Variants in TENM4 observed in about 807,000 individuals in gnomAD.
TENM4 encodes teneurin transmembrane protein 4, also known as teneurin-4.
TENM4 carries 82 observed loss-of-function variants against 243.3 expected under a neutral mutation model. The ratio of observed to expected loss-of-function variants is 0.34; its 90% CI spans 0.28 to 0.40. TENM4 has a LOEUF of 0.40. TENM4 is among the 10% of genes least tolerant of loss of function. The probability of loss-of-function intolerance (pLI) is 1.00; values close to 1 mark genes in which losing one functional copy is unlikely to be tolerated. For synonymous variants in TENM4, 1,412 were observed against 1,456.3 expected (o/e 0.97, Z 0.69); for missense variants, 3,138 against 3,673.3 (o/e 0.85, Z 3.77).
chr11:78,964,082 C>T (rs561716047), intron 6 of TENM4, among the ~76,000 whole-genome samples: 3 of 125,402 alleles, frequency 2.4e-5, no homozygotes, highest in Non-Finnish European at 3.3e-5. Flanking sequence ...CTTGCTCTGT[C>T]GCCAGGCTGG....
intron 1 of TENM4, among the ~76,000 whole-genome samples, chr11:79,416,943 C>T (rs180915989): frequency 6.6e-6 from 1 of 152,116 alleles, no homozygotes; most frequent in Non-Finnish European, 1.5e-5. Flanking sequence ...TCTTGCCACT[C>T]ACACAGTCAT....
chr11:79,396,384 T>A (rs1454253018), intron 1 of TENM4, among the ~76,000 whole-genome samples: 1 of 152,216 alleles, frequency 6.6e-6, no homozygotes, highest in Non-Finnish European at 1.5e-5. Flanking sequence ...ACTTTATTAT[T>A]GCAAGTCCCA....
At chr11:78,940,033 G>T (rs1028117427) in intron 6 of TENM4, among the ~76,000 whole-genome samples, 36 of 151,842 alleles carry the variant, frequency 2.4e-4, no homozygotes, top group African/African-American at 8.7e-4. Context: ...AAAGAAAAAA[G>T]TACAAAGGAA....
chr11:78,899,513 G>C (rs1855875951), intron 7 of TENM4, among the ~76,000 whole-genome samples: 1 of 141,636 alleles, frequency 7.1e-6, no homozygotes, highest in Admixed American at 7.2e-5. Flanking sequence ...GGGAGGTTGA[G>C]GCTGCAGCGT....
intron 20 of TENM4, among the ~76,000 whole-genome samples, chr11:78,735,267 G>T (rs375849542): frequency 6.6e-6 from 1 of 152,192 alleles, no homozygotes; most frequent in Admixed American, 6.5e-5. Context: ...AAACACCTGA[G>T]GTGGGGTTTA....
intron 4 of TENM4, among the ~76,000 whole-genome samples, chr11:79,140,766 C>CT (rs2135028845): frequency 6.6e-6 from 1 of 152,226 alleles, no homozygotes; most frequent in East Asian, 1.9e-4. Flanking sequence ...TTTCTAACTT[C>CT]TAAAACCATC....
chr11:78,800,449 C>T (rs561484102), intron 15 of TENM4, among the ~76,000 whole-genome samples: 2 of 152,104 alleles, frequency 1.3e-5, no homozygotes, highest in East Asian at 3.9e-4. Flanking sequence ...TTGGTGTTAG[C>T]CCAGCACACT....
At chr11:79,096,932 A>ATG (rs1565202369) in intron 4 of TENM4, 39 of 135,546 alleles carry the variant, frequency 2.9e-4, no homozygotes, top group Non-Finnish European at 5.0e-4. Flanking sequence ...GCGCGCGCAC[A>ATG]CACACACACA....
At chr11:78,807,365 C>G (rs919445813) in intron 14 of TENM4, among the ~76,000 whole-genome samples, 3 of 152,202 alleles carry the variant, frequency 2.0e-5, no homozygotes, top group Admixed American at 2.0e-4. Flanking sequence ...GAAGACAGCT[C>G]TGTCTGATCC....
intron 4 of TENM4, among the ~76,000 whole-genome samples, chr11:79,133,903 A>G (rs565047824): frequency 3.4e-4 from 52 of 152,318 alleles, no homozygotes; most frequent in Admixed American, 9.8e-4. Context: ...TTGAATAGGG[A>G]AAAGTTGAAA....
intron 4 of TENM4, among the ~76,000 whole-genome samples, chr11:79,110,574 C>T (rs1267691412): frequency 2.0e-5 from 3 of 152,194 alleles, no homozygotes; most frequent in Non-Finnish European, 4.4e-5. Context: ...GGTGACAGTG[C>T]TGGCCTAGGA....
chr11:78,670,619 G>T, intron 31 of TENM4, 68 bp from the exon 32 acceptor site: 2 of 1,403,032 alleles, frequency 1.4e-6, no homozygotes, highest in Non-Finnish European at 1.9e-6. Flanking sequence ...CTACATACCC[G>T]AGACTTAAAG....
chr11:79,052,516 C>A (rs1018934282), intron 6 of TENM4, among the ~76,000 whole-genome samples: 4 of 152,178 alleles, frequency 2.6e-5, no homozygotes, highest in Non-Finnish European at 5.9e-5. Flanking sequence ...TGAAGTAATG[C>A]ATGTGCACTA....
At chr11:79,317,251 C>A (rs115695316) in intron 1 of TENM4, among the ~76,000 whole-genome samples, 1 of 152,294 alleles carries the variant, frequency 6.6e-6, no homozygotes, top group South Asian at 2.1e-4. Flanking sequence ...TGTATCCAAA[C>A]GTGTTTGTTC....
At chr11:79,374,805 G>C (rs1222375310) in intron 1 of TENM4, among the ~76,000 whole-genome samples, 1 of 152,048 alleles carries the variant, frequency 6.6e-6, no homozygotes, top group Admixed American at 6.5e-5. Flanking sequence ...CATTACTACA[G>C]TGAAGTTTTA....
chr11:79,226,514 G>A (rs1017872021), intron 2 of TENM4, among the ~76,000 whole-genome samples: 5 of 152,222 alleles, frequency 3.3e-5, no homozygotes, highest in African/African-American at 7.2e-5. Context: ...CTGGATAACA[G>A]GGTATGGCTT....
intron 4 of TENM4, among the ~76,000 whole-genome samples, chr11:79,103,721 C>G (rs1861291584): frequency 6.6e-6 from 1 of 152,160 alleles, no homozygotes; most frequent in African/African-American, 2.4e-5. Context: ...TGCTGAAAAT[C>G]AAGGAAAGTG....
chr11:78,744,242 C>T (rs1389955110), intron 19 of TENM4, among the ~76,000 whole-genome samples: 1 of 152,228 alleles, frequency 6.6e-6, no homozygotes, highest in Non-Finnish European at 1.5e-5. Flanking sequence ...TCAAGCCCAG[C>T]CACCAGGCTG....
At chr11:79,072,235 C>A (rs187911789) in intron 4 of TENM4, among the ~76,000 whole-genome samples, 107 of 152,158 alleles carry the variant, frequency 7.0e-4, no homozygotes, top group Admixed American at 3.5e-3. Flanking sequence ...ATCTGTCATC[C>A]CAGCATTTTA....
Sources: gnomAD v4.1 joint callset for allele counts (sites outside exome capture counted in the v4.1 genomes callset) on GRCh38, gnomAD v4.1.1 for gene constraint, MANE v1.5 for transcripts, NCBI Gene and HGNC (gene_info 2026-07-23, HGNC 2026-07-21) for gene names.